CHODL: variants seen among roughly 807,000 people sequenced by gnomAD.
The protein encoded by CHODL is chondrolectin.
CHODL carries 29 observed loss-of-function variants against 34.5 expected under a neutral mutation model. The observed-to-expected ratio is 0.84, with a 90% CI of 0.63 to 1.15. The LOEUF is 1.15. Among genes scored for constraint, CHODL ranks in the 50% most tolerant of loss-of-function variants. The pLI, the probability that CHODL is intolerant of heterozygous loss-of-function variation, is 0.00. For missense variants in CHODL, 332 were observed against 332.5 expected, an observed-to-expected ratio of 1.00 and a Z score of 0.01; for synonymous variants, 125 against 116.1, an observed-to-expected ratio of 1.08 and a Z score of -0.49.
chr21:17,927,221 T>C (rs1273410171), intron 1 of CHODL, among the ~76,000 whole-genome samples: 3 of 150,330 alleles, frequency 2.0e-5, no homozygotes, highest in Non-Finnish European at 4.4e-5. Flanking sequence ...TATATATATA[T>C]CCCAGAGTTG....
At chr21:18,065,275 G>C (rs1298887943) in intron 2 of CHODL, among the ~76,000 whole-genome samples, 1 of 152,184 alleles carries the variant, frequency 6.6e-6, no homozygotes, top group African/African-American at 2.4e-5. Context: ...GGTACTATAT[G>C]CCTTCTGTGG....
intron 2 of CHODL, among the ~76,000 whole-genome samples, chr21:18,207,582 A>G (rs536748651): frequency 6.8e-6 from 1 of 146,504 alleles, no homozygotes; most frequent in Admixed American, 6.8e-5. Context: ...TTGCTCATTA[A>G]TGTCATTTTC....
intron 2 of CHODL, among the ~76,000 whole-genome samples, chr21:18,049,729 A>G (rs941561034): frequency 7.9e-5 from 12 of 151,902 alleles, no homozygotes; most frequent in Non-Finnish European, 1.2e-4. Flanking sequence ...CTCTTATAAG[A>G]ACATCAGTCG....
chr21:18,169,431 G>A (rs1011755530), intron 2 of CHODL, among the ~76,000 whole-genome samples: 2 of 147,952 alleles, frequency 1.4e-5, no homozygotes, highest in African/African-American at 5.0e-5. Flanking sequence ...CCATTTTCTT[G>A]ATCTTTTTTT....
At chr21:17,953,123 A>G (rs1292897604) in intron 1 of CHODL, among the ~76,000 whole-genome samples, 1 of 152,188 alleles carries the variant, frequency 6.6e-6, no homozygotes. Flanking sequence ...ATAAAATAAT[A>G]TAAGATTTAC....
chr21:18,104,054 CT>C lies in CHODL; in HGVS notation c.-45+76087del, dbSNP rs1160497113. Among the ~76,000 whole-genome samples, 7 of 152,256 alleles carry C rather than the reference CT, an allele frequency of 4.6e-5. No homozygotes were observed. In the East Asian group the frequency reaches 1.4e-3, roughly 29 times the overall value. On this transcript the variant is annotated intron_variant, in intron 2 of 6. Transcript: ENST00000400127. ...GCCTCGCACAAAATATTTCTCTCCT[CT>C]TTTATTTTTCATGTATAAGGAAATC... is the stretch of plus-strand genomic sequence containing the variant.
intron 2 of CHODL, among the ~76,000 whole-genome samples, chr21:18,183,312 G>A (rs2073404158): frequency 6.6e-6 from 1 of 152,102 alleles, no homozygotes; most frequent in Non-Finnish European, 1.5e-5. Context: ...CCTGCTTTCC[G>A]GAAATTTAAA....
At chr21:18,038,991 G>C (rs2146450772) in intron 2 of CHODL, among the ~76,000 whole-genome samples, 1 of 151,622 alleles carries the variant, frequency 6.6e-6, no homozygotes, top group East Asian at 2.0e-4. Context: ...AGAAGATAAA[G>C]ACTTACCTAG....
intron 2 of CHODL, among the ~76,000 whole-genome samples, chr21:18,058,763 T>G (rs556503416): frequency 5.3e-5 from 8 of 152,312 alleles, no homozygotes; most frequent in African/African-American, 1.7e-4. Context: ...ATTCTCTTTC[T>G]TTGATTTCAG....
chr21:18,060,215 G>A (rs2064642107), intron 2 of CHODL, among the ~76,000 whole-genome samples: 1 of 152,038 alleles, frequency 6.6e-6, no homozygotes, highest in Non-Finnish European at 1.5e-5. Context: ...AGAACTTTGG[G>A]AGACCAAAGC....
chr21:18,192,029 G>A (rs903120654), intron 2 of CHODL, among the ~76,000 whole-genome samples: 10 of 152,146 alleles, frequency 6.6e-5, no homozygotes, highest in Non-Finnish European at 8.8e-5. Flanking sequence ...AAAGAGGAAG[G>A]CAAGTATTGA....
At chr21:17,953,050 T>C (rs2063471376) in intron 1 of CHODL, among the ~76,000 whole-genome samples, 3 of 152,074 alleles carry the variant, frequency 2.0e-5, no homozygotes, top group Admixed American at 2.0e-4. Flanking sequence ...CCTTGACACA[T>C]GGGGATTACA....
chr21:18,041,261 G>A (rs986950027), intron 2 of CHODL, among the ~76,000 whole-genome samples: 2 of 151,884 alleles, frequency 1.3e-5, no homozygotes, highest in African/African-American at 4.8e-5. Context: ...AAGAGAGATA[G>A]TGTTGGAGTC....
intron 1 of CHODL, among the ~76,000 whole-genome samples, chr21:18,025,619 C>A (rs926946203): frequency 6.6e-6 from 1 of 151,754 alleles, no homozygotes; most frequent in African/African-American, 2.4e-5. Flanking sequence ...ATTTTTGTTG[C>A]GTTAATTGGC....
chr21:18,184,606 T>G (rs113689865), intron 2 of CHODL, among the ~76,000 whole-genome samples: 111 of 152,334 alleles, frequency 7.3e-4, no homozygotes, highest in African/African-American at 2.5e-3. Flanking sequence ...AGTCTGACTC[T>G]TAAGTTCTAA....
intron 2 of CHODL, among the ~76,000 whole-genome samples, chr21:18,082,474 T>C (rs1380465925): frequency 6.6e-6 from 1 of 152,082 alleles, no homozygotes; most frequent in Non-Finnish European, 1.5e-5. Flanking sequence ...AAGTGGGTAA[T>C]GGGTAGAGGT....
At chr21:18,058,892 T>C (rs1251436290) in intron 2 of CHODL, among the ~76,000 whole-genome samples, 1 of 152,158 alleles carries the variant, frequency 6.6e-6, no homozygotes, top group Non-Finnish European at 1.5e-5. Flanking sequence ...ATTGTCTTTT[T>C]CCCCTTGTTT....
At chr21:18,186,571 T>C (rs1395833957) in intron 2 of CHODL, among the ~76,000 whole-genome samples, 4 of 152,216 alleles carry the variant, frequency 2.6e-5, no homozygotes, top group African/African-American at 9.6e-5. Context: ...AAAATACCAC[T>C]GATTCTTTGT....
At chr21:18,199,107 C>G (rs538942840) in intron 2 of CHODL, among the ~76,000 whole-genome samples, 1 of 152,026 alleles carries the variant, frequency 6.6e-6, no homozygotes, top group Non-Finnish European at 1.5e-5. Context: ...AGATTTAGTT[C>G]TCAAATAACA....
Sources: allele counts gnomAD v4.1 joint callset (sites outside exome capture counted in the v4.1 genomes callset), GRCh38; gene constraint gnomAD v4.1.1; transcripts MANE v1.5; gene names NCBI Gene and HGNC (gene_info 2026-07-23, HGNC 2026-07-21).